The following OPCML variants were observed in gnomAD, a reference collection of about 807,000 sequenced individuals.
The protein encoded by OPCML is opioid binding protein/cell adhesion molecule like, also known as opioid-binding protein/cell adhesion molecule.
Under a neutral mutation model 37.8 loss-of-function variants are expected in OPCML, and 13 were observed. That is an observed-to-expected ratio of 0.34 (90% CI 0.22 to 0.55). The LOEUF is 0.55. Ranked by LOEUF, OPCML falls within the 20% of genes least tolerant of loss-of-function variation. The probability of loss-of-function intolerance (pLI) is 0.91; values close to 1 mark genes in which losing one functional copy is unlikely to be tolerated. For synonymous variants in OPCML, 176 were observed against 168.8 expected, an observed-to-expected ratio of 1.04 and a Z score of -0.33; for missense variants, 341 against 435.6, an observed-to-expected ratio of 0.78 and a Z score of 1.93.
intron 2 of OPCML, among the ~76,000 whole-genome samples, chr11:132,659,594 T>A (rs765178180): frequency 2.0e-5 from 3 of 152,206 alleles, no homozygotes; most frequent in Admixed American, 6.5e-5. Context: ...TGTAACCCCT[T>A]GCACATTCTT....
At chr11:132,594,286 C>T (rs989008317) in intron 3 of OPCML, among the ~76,000 whole-genome samples, 6 of 152,144 alleles carry the variant, frequency 3.9e-5, no homozygotes, top group Non-Finnish European at 5.9e-5. Context: ...TTTTCACTTA[C>T]AGATTTGCCA....
intron 3 of OPCML, among the ~76,000 whole-genome samples, chr11:132,569,026 G>A (rs1333897923): frequency 6.6e-6 from 1 of 152,212 alleles, no homozygotes; most frequent in Admixed American, 6.5e-5. Context: ...TACAGGAGAT[G>A]AAATCCGTGC....
chr11:133,269,968 G>A (rs377627752), intron 1 of OPCML, among the ~76,000 whole-genome samples: 1 of 152,126 alleles, frequency 6.6e-6, no homozygotes, highest in South Asian at 2.1e-4. Flanking sequence ...ATAACTATGA[G>A]ATATAACTTC....
At chr11:133,464,526 G>A (rs1946931560) in intron 1 of OPCML, among the ~76,000 whole-genome samples, 1 of 152,182 alleles carries the variant, frequency 6.6e-6, no homozygotes, top group South Asian at 2.1e-4. Flanking sequence ...CCCTTCAGCT[G>A]AAACCTGAAA....
chr11:133,439,792 A>G (rs1446542668), intron 1 of OPCML, among the ~76,000 whole-genome samples: 1 of 152,096 alleles, frequency 6.6e-6, no homozygotes, highest in Non-Finnish European at 1.5e-5. Flanking sequence ...AATAAAACCA[A>G]ACTAAAGGAG....
At chr11:133,484,352 T>G (rs559540245) in intron 1 of OPCML, among the ~76,000 whole-genome samples, 1 of 152,080 alleles carries the variant, frequency 6.6e-6, no homozygotes, top group Admixed American at 6.6e-5. Flanking sequence ...GAATGAGATA[T>G]TCAATATTCT....
chr11:133,229,576 G>A (rs894147362), intron 1 of OPCML, among the ~76,000 whole-genome samples: 2 of 151,862 alleles, frequency 1.3e-5, no homozygotes, highest in Non-Finnish European at 2.9e-5. Context: ...TTCCCTCACC[G>A]TTCTCAAATT....
In OPCML at chr11:133,140,991, AGAAGAAGACGACGAC is replaced by A. The variant is rs1402664026; in HGVS notation, c.62-197996_62-197982del. On this transcript the variant is annotated intron_variant, in intron 1 of 7. Transcript: ENST00000524381. ...AAGAAGAAGAAGAAGAAGAAGAAGAAGAAGAAGACGACGACGACGACGACGACGACGACGACGACG... is the reference window on the plus strand; with the variant it reads ...AAGAAGAAGAAGAAGAAGAAGAAGAAGACGACGACGACGACGACGACGACG... Among the ~76,000 whole-genome samples, 8 of 4,290 alleles carry A rather than the reference AGAAGAAGACGACGAC, an allele frequency of 1.9e-3. 3 individuals carry two copies. The highest frequency in any genetic ancestry group is 0.01 in the Admixed American group (2 of 192). The allele number at this position is 4,290 out of a possible 152,430, so 2.8% of individuals were successfully genotyped here.
chr11:133,003,570 T>A, intron 1 of OPCML: 3 of 846,776 alleles, frequency 3.5e-6, no homozygotes, highest in Non-Finnish European at 2.8e-6. Flanking sequence ...TTATAAACAT[T>A]CGCAAGTTCC....
At chr11:133,121,279 A>G (rs1052837269) in intron 1 of OPCML, among the ~76,000 whole-genome samples, 8 of 152,202 alleles carry the variant, frequency 5.3e-5, no homozygotes, top group African/African-American at 1.9e-4. Context: ...CAATTAATCT[A>G]TAACTGCACA....
intron 2 of OPCML, among the ~76,000 whole-genome samples, chr11:132,686,176 C>T (rs549722502): frequency 1.3e-5 from 2 of 152,158 alleles, no homozygotes; most frequent in African/African-American, 2.4e-5. Context: ...CCAAGTTCCC[C>T]GAAGCAGATG....
intron 7 of OPCML, among the ~76,000 whole-genome samples, chr11:132,422,339 C>A (rs2095962338): frequency 6.6e-6 from 1 of 152,130 alleles, no homozygotes; most frequent in Non-Finnish European, 1.5e-5. Context: ...ACACAGAAAA[C>A]AGACCATGGA....
chr11:133,162,788 T>C (rs1950162881), intron 1 of OPCML, among the ~76,000 whole-genome samples: 1 of 152,196 alleles, frequency 6.6e-6, no homozygotes, highest in South Asian at 2.1e-4. Context: ...ACACGGTTGT[T>C]TCCTTACCAG....
At chr11:133,382,873 A>T (rs954334232) in intron 1 of OPCML, among the ~76,000 whole-genome samples, 2 of 152,152 alleles carry the variant, frequency 1.3e-5, no homozygotes, top group African/African-American at 4.8e-5. Context: ...AAACTGCCAC[A>T]TGTGTTAGCT....
At chr11:133,521,929 C>T (rs1175010886) in intron 1 of OPCML, among the ~76,000 whole-genome samples, 2 of 152,204 alleles carry the variant, frequency 1.3e-5, no homozygotes, top group East Asian at 3.9e-4. Flanking sequence ...CGGCCTGCTA[C>T]CATCTGACCA....
intron 2 of OPCML, among the ~76,000 whole-genome samples, chr11:132,889,577 C>T (rs1271233972): frequency 1.3e-5 from 2 of 152,224 alleles, no homozygotes; most frequent in African/African-American, 2.4e-5. Flanking sequence ...ATTAGGTTTT[C>T]CTTCCTGATA....
intron 3 of OPCML, among the ~76,000 whole-genome samples, chr11:132,530,397 C>A (rs77726060): frequency 6.6e-6 from 1 of 152,028 alleles, no homozygotes. Context: ...CCAATTTTCA[C>A]GGAGATAATT....
Position 133,253,525 on chromosome 11 carries a change from G to C in OPCML, c.61+278739C>G, listed in dbSNP as rs529609801. Among the ~76,000 whole-genome samples, 218 of 152,248 alleles carry C rather than the reference G, an allele frequency of 1.4e-3. 5 individuals carry two copies. Among genetic ancestry groups the C allele is most frequent in the Middle Eastern group, 0.01 (3 of 294 alleles). On this transcript the variant is annotated intron_variant, in intron 1 of 7. Transcript: ENST00000524381. ...GGGTTTCACCATGTTGGCCAGGCTGGTCTCAAACTCTTGATCTCAAGTGAT... is the reference window on the plus strand; with the variant it reads ...GGGTTTCACCATGTTGGCCAGGCTGCTCTCAAACTCTTGATCTCAAGTGAT...
chr11:133,068,369 T>C (rs1423117089), intron 1 of OPCML, among the ~76,000 whole-genome samples: 1 of 152,204 alleles, frequency 6.6e-6, no homozygotes, highest in Admixed American at 6.5e-5. Flanking sequence ...CATTTACATA[T>C]GGGAGATTTC....
Sources: allele counts gnomAD v4.1 joint callset (sites outside exome capture counted in the v4.1 genomes callset), GRCh38; gene constraint gnomAD v4.1.1; transcripts MANE v1.5; gene names NCBI Gene and HGNC (gene_info 2026-07-23, HGNC 2026-07-21).